ZNF131: variants seen among roughly 807,000 people sequenced by gnomAD.
The protein encoded by ZNF131 is zinc finger and BTB domain containing 35.
In ZNF131, 7 loss-of-function variants were observed where a neutral mutation model predicts 60.0. The observed-to-expected ratio is 0.12, with a 90% CI of 0.07 to 0.22. The LOEUF (loss-of-function observed/expected upper bound fraction) is 0.22, where lower values mean the gene tolerates loss of function less well. Ranked by LOEUF, ZNF131 falls within the 10% of genes least tolerant of loss-of-function variation. ZNF131 has a pLI of 1.00. For missense variants in ZNF131, 493 were observed against 740.9 expected (o/e 0.67, Z 3.88); for synonymous variants, 257 against 253.2 (o/e 1.01, Z -0.14).
intron 5 of ZNF131, among the ~76,000 whole-genome samples, chr5:43,164,430 T>G (rs1039385912): frequency 2.6e-5 from 4 of 152,218 alleles, no homozygotes; most frequent in Non-Finnish European, 5.9e-5. Context: ...GGTGAACATT[T>G]TTGTGGTAAT....
intron 5 of ZNF131, among the ~76,000 whole-genome samples, chr5:43,172,436 C>T (rs539417137): frequency 6.6e-6 from 1 of 152,308 alleles, no homozygotes; most frequent in South Asian, 2.1e-4. Context: ...GCCTGGCCAA[C>T]ATGGTGAAAC....
chr5:43,152,294 C>T (rs1357229294), intron 4 of ZNF131, among the ~76,000 whole-genome samples: 1 of 152,182 alleles, frequency 6.6e-6, no homozygotes, highest in Non-Finnish European at 1.5e-5. Context: ...TGAGCCACCA[C>T]TCCCAGCCGA....
Position 43,125,866 on chromosome 5 carries a change from G to C in ZNF131, c.226+2556G>C, listed in dbSNP as rs76558038. Among the ~76,000 whole-genome samples the C allele has an allele frequency of 4.6e-3, 704 of 152,300 alleles. 3 individuals carry two copies. Among genetic ancestry groups the C allele is most frequent in the Non-Finnish European group, 8.2e-3 (559 of 68,028 alleles). Reference sequence around the variant, plus strand: ...CACATTACCTGGAGAAGTAGAAGTAGAGCCTGGTCTTCTGAAGACTAGTCA... The same window carrying C: ...CACATTACCTGGAGAAGTAGAAGTACAGCCTGGTCTTCTGAAGACTAGTCA... On this transcript the variant is annotated intron_variant, in intron 3 of 6. Coordinates refer to ENST00000682664, the MANE Select transcript of ZNF131 (RefSeq NM_001330707.2).
At position 43,121,476 on chromosome 5, in the gene ZNF131, C is replaced by A. The variant is rs550608349; in HGVS notation, c.-16+353C>A. On this transcript the variant is annotated intron_variant, in intron 1 of 6. Transcript: ENST00000682664. ...GGCCCGTTCCCTTGCTGGTCGGCGC[C>A]CGGAAGGCGTCCGCGTCAGCCGGAG... is the stretch of plus-strand genomic sequence containing the variant. 843 of 152,600 alleles carry A rather than the reference C, an allele frequency of 5.5e-3. 5 individuals carry two copies. Among genetic ancestry groups the A allele is most frequent in the Non-Finnish European group, 7.3e-3 (499 of 68,162 alleles). The allele number at this position is 152,600 out of a possible 1,614,324, so 9.5% of individuals were successfully genotyped here.
At chr5:43,153,379 C>T (rs1405232409) in intron 4 of ZNF131, among the ~76,000 whole-genome samples, 4 of 145,308 alleles carry the variant, frequency 2.8e-5, no homozygotes, top group Non-Finnish European at 4.5e-5. Context: ...AATCCCAGCA[C>T]TTTGGGAGGC....
At chr5:43,150,164 C>T (rs1251068699) in intron 4 of ZNF131, among the ~76,000 whole-genome samples, 1 of 152,116 alleles carries the variant, frequency 6.6e-6, no homozygotes, top group Non-Finnish European at 1.5e-5. Flanking sequence ...CTTTAGGAAA[C>T]CCAAATCTTC....
chr5:43,163,415 T>C (rs544837154), intron 5 of ZNF131, among the ~76,000 whole-genome samples: 1 of 152,332 alleles, frequency 6.6e-6, no homozygotes, highest in Non-Finnish European at 1.5e-5. Context: ...CTGAGGAGAA[T>C]AAGGTCTTTA....
intron 3 of ZNF131, among the ~76,000 whole-genome samples, chr5:43,134,979 G>A (rs1745875396): frequency 6.7e-6 from 1 of 149,590 alleles, no homozygotes; most frequent in African/African-American, 2.5e-5. Context: ...TTGCAGGCAT[G>A]AGCCACCGCG....
rs377316285 is a variant in ZNF131, at chr5:43,161,643, C to T, written c.766C>T (p.His256Tyr). The part of the protein sequence containing the change: ...GIEIVELQLS[H>Y]VKDLFHCEKC... ...TGAAATTGTGGAACTTCAGCTGTCA[C>T]ATGTGAAGGACTTGTTCCATTGTGA... The change falls in exon 5 of 7, where the codon CAT (histidine) becomes TAT (tyrosine). Residue 256 changes from histidine (H) to tyrosine (Y), a missense_variant. Coordinates refer to ENST00000682664, the MANE Select transcript of ZNF131 (RefSeq NM_001330707.2). 11 of 1,614,222 alleles carry T rather than the reference C, an allele frequency of 6.8e-6. No homozygotes were observed. The highest frequency in any genetic ancestry group is 1.6e-4 in the Middle Eastern group (1 of 6,062).
intron 4 of ZNF131, among the ~76,000 whole-genome samples, chr5:43,150,593 C>T (rs1748178172): frequency 6.6e-6 from 1 of 152,168 alleles, no homozygotes; most frequent in Non-Finnish European, 1.5e-5. Context: ...AGTTCGAGAC[C>T]AGCCTGGCTA....
At chr5:43,141,393 G>C (rs560703078) in intron 4 of ZNF131, among the ~76,000 whole-genome samples, 1 of 152,234 alleles carries the variant, frequency 6.6e-6, no homozygotes, top group South Asian at 2.1e-4. Context: ...TATTGAATGA[G>C]AGCCTTCCAA....
chr5:43,122,062 T>G lies in ZNF131; in HGVS notation c.9T>G (p.Ala3=). ME[A]EETMECLQEF... Reference sequence around the variant, plus strand: ...AGAGCAGCCCGACGGCCATGGAGGCTGAAGAGACGATGGAATGCCTTCAGG... The same window carrying G: ...AGAGCAGCCCGACGGCCATGGAGGCGGAAGAGACGATGGAATGCCTTCAGG... The change falls in exon 2 of 7, where the codon GCT becomes GCG. Residue 3 remains alanine, a synonymous_variant. Coordinates refer to ENST00000682664, the MANE Select transcript of ZNF131 (RefSeq NM_001330707.2). 6.2e-7 allele frequency: 1 copy of G among 1,614,070 alleles called. No homozygotes were observed. Among genetic ancestry groups the G allele is most frequent in the Non-Finnish European group, 8.5e-7 (1 of 1,180,012 alleles).
intron 3 of ZNF131, among the ~76,000 whole-genome samples, chr5:43,126,791 G>A (rs1744611018): frequency 6.6e-6 from 1 of 152,190 alleles, no homozygotes; most frequent in Non-Finnish European, 1.5e-5. Context: ...CAGGTGTGCA[G>A]ACTCAGGATT....
chr5:43,153,729 A>T (rs957066105), intron 4 of ZNF131, among the ~76,000 whole-genome samples: 1 of 152,180 alleles, frequency 6.6e-6, no homozygotes, highest in Non-Finnish European at 1.5e-5. Flanking sequence ...TTCTGTCTTC[A>T]TCATTATCCA....
In ZNF131 at chr5:43,175,586, T is replaced by C; in HGVS notation, c.*453T>C. On this transcript the variant is annotated 3_prime_UTR_variant, in exon 7 of 7. Transcript: ENST00000682664. ...AAACACAAGGCTGCATGATGAAAAGTGCATTGTTACTGTGCAGTTAAATTT... is the reference window on the plus strand; with the variant it reads ...AAACACAAGGCTGCATGATGAAAAGCGCATTGTTACTGTGCAGTTAAATTT... The C allele has an allele frequency of 1.6e-6, 1 of 625,732 alleles. No homozygotes were observed. Among genetic ancestry groups the C allele is most frequent in the South Asian group, 1.8e-5 (1 of 55,532 alleles). 38.8% of individuals were successfully genotyped at this position (625,732 alleles called of 1,614,324 possible). A position where few individuals can be genotyped will look rare whatever the true frequency, so the allele number is the denominator to read the frequency against.
intron 4 of ZNF131, among the ~76,000 whole-genome samples, chr5:43,158,861 C>A (rs1460896474): frequency 6.7e-6 from 1 of 149,454 alleles, no homozygotes; most frequent in African/African-American, 2.5e-5. Flanking sequence ...TTTTTTTTTC[C>A]CAGCATCTTA....
At chr5:43,170,041 C>T (rs1056525254) in intron 5 of ZNF131, among the ~76,000 whole-genome samples, 1 of 152,156 alleles carries the variant, frequency 6.6e-6, no homozygotes, top group African/African-American at 2.4e-5. Context: ...CTGCCTGCCT[C>T]ATCCTCCCTA....
chr5:43,159,695 C>CAAAAA (rs35599400), intron 4 of ZNF131, among the ~76,000 whole-genome samples: 37 of 93,316 alleles, frequency 4.0e-4, no homozygotes, highest in South Asian at 7.1e-4. Flanking sequence ...TACTCTGTCT[C>CAAAAA]AAAAAAAAAA....
At chr5:43,155,083 G>A (rs542162951) in intron 4 of ZNF131, among the ~76,000 whole-genome samples, 33 of 152,304 alleles carry the variant, frequency 2.2e-4, no homozygotes, top group African/African-American at 5.5e-4. Context: ...AGTGAACACC[G>A]TCAAATTTCA....
Sources: allele counts gnomAD v4.1 joint callset (sites outside exome capture counted in the v4.1 genomes callset), GRCh38; gene constraint gnomAD v4.1.1; transcripts MANE v1.5; gene names NCBI Gene and HGNC (gene_info 2026-07-23, HGNC 2026-07-21).